RNF212B: variants seen among roughly 807,000 people sequenced by gnomAD.
The protein encoded by RNF212B is ring finger protein 212B.
In RNF212B, 52 loss-of-function variants were observed where a neutral mutation model predicts 55.5. The ratio of observed to expected loss-of-function variants is 0.94; its 90% CI spans 0.75 to 1.18. The LOEUF is 1.18. Among genes scored for constraint, RNF212B ranks in the 50% most tolerant of loss-of-function variants. RNF212B has a pLI of 0.00. For synonymous variants in RNF212B, 99 were observed against 121.4 expected (o/e 0.82, Z 1.21); for missense variants, 289 against 350.4 (o/e 0.82, Z 1.40).
intron 2 of RNF212B, among the ~76,000 whole-genome samples, chr14:23,201,077 A>G (rs1879244354): frequency 6.6e-6 from 1 of 152,212 alleles, no homozygotes; most frequent in Admixed American, 6.5e-5. Flanking sequence ...AGAATAAAGG[A>G]TCAGCAACAT....
At chr14:23,235,952 T>C (rs1883062046), upstream of RNF212B, among the ~76,000 whole-genome samples, 1 of 152,264 alleles carries the variant, frequency 6.6e-6, no homozygotes, top group Admixed American at 6.5e-5. Context: ...TCCTGAATTT[T>C]TATGTGATAT....
intron 4 of RNF212B, among the ~76,000 whole-genome samples, chr14:23,256,905 A>G (rs1884875371): frequency 6.6e-6 from 1 of 152,116 alleles, no homozygotes; most frequent in African/African-American, 2.4e-5. Flanking sequence ...CTGTAATCCC[A>G]GCACTTTGGG....
chr14:23,262,643 C>T (rs1885377208), intron 7 of RNF212B, 22 bp from the exon 8 acceptor site: 2 of 1,544,678 alleles, frequency 1.3e-6, no homozygotes. Flanking sequence ...ATTAGAGCCG[C>T]CTCTTTTTTT....
intron 4 of RNF212B, among the ~76,000 whole-genome samples, chr14:23,247,577 T>A (rs939976175): frequency 1.3e-5 from 2 of 152,214 alleles, no homozygotes; most frequent in African/African-American, 2.4e-5. Flanking sequence ...TGTTGTAGCA[T>A]CTCTGTTAGG....
At chr14:23,238,159 C>T (rs1008513942) in intron 1 of RNF212B, among the ~76,000 whole-genome samples, 104 bp downstream of exon 1, 15 of 152,144 alleles carry the variant, frequency 9.9e-5, no homozygotes, top group South Asian at 2.1e-4. Flanking sequence ...CCTTAATCAC[C>T]CTGTTCACTG....
intron 2 of RNF212B, among the ~76,000 whole-genome samples, chr14:23,215,222 C>T (rs560961400): frequency 1.3e-5 from 2 of 152,256 alleles, no homozygotes; most frequent in African/African-American, 4.8e-5. Context: ...TAAGGTGTGC[C>T]TTGCTTCTCC....
chr14:23,216,672 G>A (rs1467502554), intron 2 of RNF212B, among the ~76,000 whole-genome samples: 3 of 151,736 alleles, frequency 2.0e-5, no homozygotes, highest in Non-Finnish European at 1.5e-5. Context: ...TTGAGCTTAG[G>A]AGTTCAAGAC....
At chr14:23,200,385 G>A (rs774167992) in intron 2 of RNF212B, among the ~76,000 whole-genome samples, 1 of 151,760 alleles carries the variant, frequency 6.6e-6, no homozygotes, top group Middle Eastern at 3.4e-3. Flanking sequence ...GAGTGCAATG[G>A]CATGATCTTG....
chr14:23,219,024 G>A (rs991327703), intron 2 of RNF212B, among the ~76,000 whole-genome samples: 7 of 152,150 alleles, frequency 4.6e-5, no homozygotes, highest in Non-Finnish European at 8.8e-5. Flanking sequence ...TTACAAGCCC[G>A]GAGAGAGTGG....
rs1555314082 is a variant in RNF212B at position 23,229,251 on chromosome 14, T to TATATATATAC, written c.-1-11085_-1-11084insCATATATATA. On this transcript the variant is annotated intron_variant, in intron 2 of 15. Transcript: ENST00000399910. ...ATATATATATATATATATATATATA[T>TATATATATAC]ATATATATATACCACATTGTTTATC... Among the ~76,000 whole-genome samples the TATATATATAC allele has an allele frequency of 9.0e-5, 12 of 133,710 alleles. No homozygotes were observed. The East Asian group carries it at 2.8e-3, about 31-fold the overall frequency. 87.7% of individuals were successfully genotyped at this position (133,710 alleles called of 152,430 possible).
chr14:23,203,482 CTTT>C (rs35208170), intron 2 of RNF212B, among the ~76,000 whole-genome samples: 2 of 124,590 alleles, frequency 1.6e-5, no homozygotes, highest in South Asian at 2.5e-4. Context: ...TTTAGTCCCC[CTTT>C]TTTTTTTTTT....
chr14:23,189,381 C>G (rs1877898533), intron 1 of RNF212B, among the ~76,000 whole-genome samples: 1 of 152,182 alleles, frequency 6.6e-6, no homozygotes, highest in Non-Finnish European at 1.5e-5. Context: ...ACTAGCTTCC[C>G]TATCCTATCT....
chr14:23,198,021 A>G (rs1878904718), intron 2 of RNF212B, among the ~76,000 whole-genome samples: 1 of 152,206 alleles, frequency 6.6e-6, no homozygotes, highest in African/African-American at 2.4e-5. Flanking sequence ...GGGCAGGAAC[A>G]AATCACAATG....
chr14:23,229,359 T>C (rs1594903913), intron 2 of RNF212B, among the ~76,000 whole-genome samples: 1 of 150,750 alleles, frequency 6.6e-6, no homozygotes, highest in African/African-American at 2.4e-5. Context: ...GGTGTACACA[T>C]ATCTGTTTGA....
rs950049045 is a variant in RNF212B at position 23,199,906 on chromosome 14, C to T, written c.-2+6505C>T. On this transcript the variant is annotated intron_variant, in intron 2 of 15. Transcript: ENST00000399910. ...TTTTCAGTGACTCCTAATTAGGAAA[C>T]ATGGGAAAAAAAGAAGGGAAAAAAA... Among the ~76,000 whole-genome samples the T allele has an allele frequency of 4.0e-5, 6 of 148,260 alleles. No homozygotes were observed. In the Admixed American group the frequency reaches 4.1e-4, roughly 10 times the overall value.
At chr14:23,254,317 CAAAAA>C (rs961072700) in intron 4 of RNF212B, among the ~76,000 whole-genome samples, 1 of 141,016 alleles carries the variant, frequency 7.1e-6, no homozygotes, top group African/African-American at 2.6e-5. Context: ...CAAAACAAAA[CAAAAA>C]AACAAAAACA....
chr14:23,272,469 T>A (rs775756013), intron 14 of RNF212B: 3 of 251,050 alleles, frequency 1.2e-5, no homozygotes, highest in South Asian at 4.3e-5. Flanking sequence ...TGTGAAAAAA[T>A]TTTAAAGTTA....
upstream of RNF212B, among the ~76,000 whole-genome samples, chr14:23,233,426 T>C (rs1445078353): frequency 6.7e-6 from 1 of 148,416 alleles, no homozygotes; most frequent in Non-Finnish European, 1.5e-5. Context: ...AAAGAATATT[T>C]AAAGAAAAGA....
intron 2 of RNF212B, among the ~76,000 whole-genome samples, chr14:23,213,719 G>T (rs1023048862): frequency 6.6e-6 from 1 of 151,238 alleles, no homozygotes; most frequent in Non-Finnish European, 1.5e-5. Context: ...CATGCCAAAT[G>T]AAGAAAGAAA....
Sources: gnomAD v4.1 joint callset for allele counts (sites outside exome capture counted in the v4.1 genomes callset) on GRCh38, gnomAD v4.1.1 for gene constraint, MANE v1.5 for transcripts, NCBI Gene and HGNC (gene_info 2026-07-23, HGNC 2026-07-21) for gene names.